RBFOX1: variants seen among roughly 807,000 people sequenced by gnomAD.
The protein encoded by RBFOX1 is RNA binding fox-1 homolog 1, also known as RNA binding protein fox-1 homolog 1.
In RBFOX1, 8 loss-of-function variants were observed where a neutral mutation model predicts 57.7. That is an observed-to-expected ratio of 0.14 (90% CI 0.08 to 0.25). RBFOX1 has a LOEUF of 0.25. Among genes scored for constraint, RBFOX1 ranks in the 10% least tolerant of loss-of-function variants. The pLI, the probability that RBFOX1 is intolerant of heterozygous loss-of-function variation, is 1.00. For synonymous variants in RBFOX1, 326 were observed against 222.4 expected (o/e 1.47, Z -4.15); for missense variants, 611 against 548.5 (o/e 1.11, Z -1.14).
intron 3 of RBFOX1, among the ~76,000 whole-genome samples, chr16:6,672,916 A>G (rs1028262393): frequency 1.3e-5 from 2 of 151,910 alleles, no homozygotes; most frequent in African/African-American, 4.8e-5. Context: ...ATCCCCCTAG[A>G]CCCCAGGCAA....
chr16:7,421,027 G>A (rs183485421), intron 4 of RBFOX1, among the ~76,000 whole-genome samples: 412 of 151,498 alleles, frequency 2.7e-3, no homozygotes, highest in African/African-American at 8.6e-3. Context: ...AAATTGTGAC[G>A]CCTCCACTTG....
At chr16:7,062,254 G>A (rs1324564767) in intron 4 of RBFOX1, among the ~76,000 whole-genome samples, 2 of 147,084 alleles carry the variant, frequency 1.4e-5, no homozygotes, top group Non-Finnish European at 3.0e-5. Context: ...AGATCATGAG[G>A]TTGCAGTGAG....
At chr16:5,968,612 A>G (rs1335267438) in intron 4 of RBFOX1, among the ~76,000 whole-genome samples, 1 of 152,160 alleles carries the variant, frequency 6.6e-6, no homozygotes, top group Non-Finnish European at 1.5e-5. Flanking sequence ...TCTTTTGCCA[A>G]GATGCCTGAA....
chr16:6,784,884 C>T lies in RBFOX1; in HGVS notation c.-16+130234C>T, dbSNP rs117374997. Reference sequence around the variant, plus strand: ...AGTTGTATAAGAGCTAAGTGAAGGTCGGCTGGAGTTATTGTCACCAAGCAC... The same window carrying T: ...AGTTGTATAAGAGCTAAGTGAAGGTTGGCTGGAGTTATTGTCACCAAGCAC... On this transcript the variant is annotated intron_variant, in intron 3 of 15. Transcript: ENST00000550418. 1.0e-3 allele frequency among the ~76,000 whole-genome samples: 156 copies of T among 152,076 alleles called. 2 individuals are homozygous for T. Among genetic ancestry groups the T allele is most frequent in the Non-Finnish European group, 1.9e-3 (126 of 68,000 alleles).
In RBFOX1 at chr16:7,006,693, C is replaced by T. The variant is rs114334112; in HGVS notation, c.-15-45364C>T. Reference sequence around the variant, plus strand: ...GAACTCCTGGACTCAAGTGATCGTCCTTCCTTGGTCTCCCAATGTGCTGGG... The same window carrying T: ...GAACTCCTGGACTCAAGTGATCGTCTTTCCTTGGTCTCCCAATGTGCTGGG... On this transcript the variant is annotated intron_variant, in intron 3 of 15. Transcript: ENST00000550418. Among the ~76,000 whole-genome samples, 1,029 of 152,260 alleles carry T rather than the reference C, an allele frequency of 6.8e-3. 13 individuals are homozygous for T. Among genetic ancestry groups the T allele is most frequent in the African/African-American group, 0.023 (971 of 41,550 alleles).
At chr16:5,735,713 A>G (rs759841011) in intron 3 of RBFOX1, among the ~76,000 whole-genome samples, 2 of 152,144 alleles carry the variant, frequency 1.3e-5, no homozygotes, top group African/African-American at 2.4e-5. Context: ...CCTGGTCAAC[A>G]TGGTGAAACC....
At chr16:7,492,142 A>T (rs1014295944) in intron 4 of RBFOX1, among the ~76,000 whole-genome samples, 2 of 152,236 alleles carry the variant, frequency 1.3e-5, no homozygotes, top group African/African-American at 4.8e-5. Flanking sequence ...ACTACTTAGC[A>T]TGATTTTGTC....
At chr16:6,551,957 T>A (rs1282640591) in intron 2 of RBFOX1, among the ~76,000 whole-genome samples, 1 of 152,206 alleles carries the variant, frequency 6.6e-6, no homozygotes, top group African/African-American at 2.4e-5. Flanking sequence ...TTCAGAAGGA[T>A]TTGCCTCTCA....
intron 3 of RBFOX1, among the ~76,000 whole-genome samples, chr16:6,885,124 G>C (rs1166228375): frequency 6.6e-6 from 1 of 152,154 alleles, no homozygotes; most frequent in South Asian, 2.1e-4. Context: ...ACGGAAGGAG[G>C]AAAGTCTCAA....
intron 2 of RBFOX1, among the ~76,000 whole-genome samples, chr16:6,417,036 G>C (rs1346858356): frequency 6.6e-6 from 1 of 151,942 alleles, no homozygotes; most frequent in South Asian, 2.1e-4. Flanking sequence ...TTTTGAGACA[G>C]AGTCTCTCTC....
chr16:5,539,234 G>A (rs2044831108), intron 2 of RBFOX1, among the ~76,000 whole-genome samples: 2 of 152,082 alleles, frequency 1.3e-5, no homozygotes, highest in African/African-American at 4.8e-5. Flanking sequence ...GTGAGGCTGG[G>A]GCTTCACAGG....
At chr16:6,447,256 C>G (rs1201123128) in intron 2 of RBFOX1, among the ~76,000 whole-genome samples, 1 of 152,078 alleles carries the variant, frequency 6.6e-6, no homozygotes, top group Non-Finnish European at 1.5e-5. Flanking sequence ...GCCAGAAAGG[C>G]CTAGTTTGGA....
intron 11 of RBFOX1, among the ~76,000 whole-genome samples, chr16:7,649,053 G>A (rs529540976): frequency 3.3e-5 from 5 of 152,184 alleles, no homozygotes; most frequent in Admixed American, 2.0e-4. Flanking sequence ...CTTGGATCTT[G>A]TGCAAAAAAA....
intron 4 of RBFOX1, among the ~76,000 whole-genome samples, chr16:7,286,881 A>G (rs1398430258): frequency 1.3e-5 from 2 of 152,056 alleles, no homozygotes; most frequent in Non-Finnish European, 2.9e-5. Flanking sequence ...CACCCGCCTC[A>G]GCCTCCCAGA....
chr16:6,645,255 G>A (rs1374468805), intron 2 of RBFOX1, among the ~76,000 whole-genome samples: 1 of 152,142 alleles, frequency 6.6e-6, no homozygotes, highest in East Asian at 1.9e-4. Flanking sequence ...TGTCTGCACA[G>A]ACTCCATTTG....
intron 9 of RBFOX1, among the ~76,000 whole-genome samples, chr16:7,602,445 C>T (rs749298656): frequency 6.6e-6 from 1 of 152,128 alleles, no homozygotes; most frequent in South Asian, 2.1e-4. Context: ...TTGTTGTAAG[C>T]CTCATTGTTC....
intron 3 of RBFOX1, among the ~76,000 whole-genome samples, chr16:6,665,338 G>T (rs1050228950): frequency 6.6e-6 from 1 of 152,196 alleles, no homozygotes. Context: ...AGGGGGCTGG[G>T]CACGGTGGCT....
At chr16:7,648,373 T>C (rs997813427) in intron 11 of RBFOX1, among the ~76,000 whole-genome samples, 1 of 151,980 alleles carries the variant, frequency 6.6e-6, no homozygotes, top group African/African-American at 2.4e-5. Context: ...TACAGATGCA[T>C]ACCACCACAC....
intron 14 of RBFOX1, among the ~76,000 whole-genome samples, chr16:7,705,488 G>C (rs561341815): frequency 1.3e-5 from 2 of 152,270 alleles, no homozygotes; most frequent in East Asian, 3.9e-4. Flanking sequence ...CTTAGCAACA[G>C]AGCAAGACCA....
Sources: allele counts gnomAD v4.1 joint callset (sites outside exome capture counted in the v4.1 genomes callset), GRCh38; gene constraint gnomAD v4.1.1; transcripts MANE v1.5; gene names NCBI Gene and HGNC (gene_info 2026-07-23, HGNC 2026-07-21).